Variants in NPRL3 observed in about 807,000 individuals in gnomAD.
The protein encoded by NPRL3 is NPR3 like, GATOR1 complex subunit, also known as GATOR1 complex protein NPRL3.
In NPRL3, 23 loss-of-function variants were observed where a neutral mutation model predicts 57.2. The observed-to-expected ratio is 0.40, with a 90% CI of 0.29 to 0.57. The LOEUF is 0.57. Ranked by LOEUF, NPRL3 falls within the 20% of genes least tolerant of loss-of-function variation. The pLI is 0.42. For synonymous variants in NPRL3, 333 were observed against 321.1 expected (o/e 1.04, Z -0.39); for missense variants, 691 against 767.1 (o/e 0.90, Z 1.17).
chr16:118,610 T>A (rs1298366792), intron 4 of NPRL3, among the ~76,000 whole-genome samples: 2 of 152,202 alleles, frequency 1.3e-5, no homozygotes, highest in Non-Finnish European at 2.9e-5. Flanking sequence ...GGACAGGGAC[T>A]GAAGCACCTG....
chr16:91,969 G>C (rs1020493123), intron 11 of NPRL3, among the ~76,000 whole-genome samples: 2 of 152,130 alleles, frequency 1.3e-5, no homozygotes, highest in Admixed American at 6.5e-5. Context: ...AGATGCAGGT[G>C]CACCAGTTCA....
intron 3 of NPRL3, among the ~76,000 whole-genome samples, chr16:122,617 C>T (rs1000175581): frequency 6.6e-6 from 1 of 152,142 alleles, no homozygotes; most frequent in Admixed American, 6.5e-5. Flanking sequence ...ACATCTGTTA[C>T]AAAAACTGAA....
chr16:89,289 C>A, intron 12 of NPRL3: 1 of 266,788 alleles, frequency 3.7e-6, no homozygotes. Flanking sequence ...GTCTTCCACC[C>A]CCTTCCTTCC....
intron 7 of NPRL3, 95 bp from the exon 8 acceptor site, chr16:100,604 C>T (rs1045272364): frequency 1.6e-6 from 2 of 1,218,302 alleles, no homozygotes; most frequent in African/African-American, 1.6e-5. Context: ...GATTCCCCTG[C>T]TGCTTAGGGG....
chr16:118,108 G>A (rs577712157), intron 4 of NPRL3, among the ~76,000 whole-genome samples: 1 of 152,214 alleles, frequency 6.6e-6, no homozygotes, highest in Non-Finnish European at 1.5e-5. Flanking sequence ...GTGCGGTACA[G>A]GGGACCAGGC....
Position 95,033 on chromosome 16 carries a change from C to G in NPRL3, c.925-1708G>C, listed in dbSNP as rs111780484. Among the ~76,000 whole-genome samples, 21 of 152,036 alleles carry G rather than the reference C, an allele frequency of 1.4e-4. 1 individual carries two copies. Among genetic ancestry groups the G allele is most frequent in the Admixed American group, 1.4e-3 (21 of 15,248 alleles). ...TCAACGGCCAGTGTCTCTTGGCTTGCGGTCACGTCACTCCACTCTGTCTCT... is the reference window on the plus strand; with the variant it reads ...TCAACGGCCAGTGTCTCTTGGCTTGGGGTCACGTCACTCCACTCTGTCTCT... On this transcript the variant is annotated intron_variant, in intron 9 of 13. Coordinates refer to ENST00000611875, the MANE Select transcript of NPRL3 (RefSeq NM_001077350.3).
intron 3 of NPRL3, among the ~76,000 whole-genome samples, chr16:119,610 G>A (rs1214507229): frequency 6.6e-6 from 1 of 152,236 alleles, no homozygotes; most frequent in Non-Finnish European, 1.5e-5. Flanking sequence ...AAAGTTCACA[G>A]GCAGAGGGGC....
intron 7 of NPRL3, among the ~76,000 whole-genome samples, chr16:104,157 G>C (rs535807601): frequency 2.0e-5 from 3 of 151,540 alleles, no homozygotes; most frequent in East Asian, 3.9e-4. Context: ...GCCAGGTGTG[G>C]TGGCAGGTGC....
At position 112,693 on chromosome 16, in the gene NPRL3, C is replaced by T. The variant is rs370299128; in HGVS notation, c.476G>A (p.Arg159His). Residue 159 changes from arginine (R) to histidine (H), a missense_variant, in exon 6 of 14, where the codon CGC becomes CAC. Physicochemically the swap from Arg to His is conservative, Grantham distance 29. Coordinates refer to ENST00000611875, the MANE Select transcript of NPRL3 (RefSeq NM_001077350.3). Reference protein sequence around the residue: ...IATVLQHEERRCQYLTREAKL... With the variant: ...IATVLQHEERHCQYLTREAKL... ...GGCCTCCCGGGTGAGGTACTGGCAG[C>T]GGCGCTCCTCGTGCTGCAGCACGGT... The T allele has an allele frequency of 2.5e-5, 40 of 1,609,900 alleles. No individual in the cohort carries two copies. Among genetic ancestry groups the T allele is most frequent in the Middle Eastern group, 1.6e-4 (1 of 6,076 alleles).
At chr16:89,668 C>G (rs1898671863) in intron 12 of NPRL3, 45 bp downstream of exon 12, 2 of 1,448,012 alleles carry the variant, frequency 1.4e-6, no homozygotes, top group Non-Finnish European at 9.0e-7. Context: ...ATGCCACCCC[C>G]AAGCGTCTCC....
chr16:89,782 C>T lies in NPRL3; in HGVS notation c.1282G>A (p.Val428Ile), dbSNP rs771113936. Residue 428 changes from valine (V) to isoleucine (I), a missense_variant, in exon 12 of 14, where the codon GTC (valine) becomes ATC (isoleucine). Coordinates refer to ENST00000611875, the MANE Select transcript of NPRL3 (RefSeq NM_001077350.3). ...EEEPRPREDD[V>I]PFTARVGGRS... ...CCGCCGACCCGGGCAGTGAAGGGGA[C>T]GTCGTCCTCTCGCGGACGGGGCTCC... 1.2e-5 allele frequency: 20 copies of T among 1,601,306 alleles called. No individual in the cohort carries two copies. Among genetic ancestry groups the T allele is most frequent in the East Asian group, 2.3e-5 (1 of 44,006 alleles).
At chr16:96,850 T>A (rs945365132) in intron 9 of NPRL3, among the ~76,000 whole-genome samples, 15 of 151,904 alleles carry the variant, frequency 9.9e-5, no homozygotes, top group Non-Finnish European at 7.4e-5. Flanking sequence ...AGATAAAGGG[T>A]CCTGAGATAC....
chr16:117,304 C>G lies in NPRL3; in HGVS notation c.390G>C (p.Leu130=), dbSNP rs1482814956. 6.2e-7 allele frequency: 1 copy of G among 1,606,106 alleles called. No homozygotes were observed. The highest frequency in any genetic ancestry group is 1.1e-5 in the South Asian group (1 of 90,634). ...TMILFNVVFA[L]RANADPSVIN... ...AACCATTTATATAAACACTCACCCT[C>G]AGTGCAAACACCACATTAAAAAGAA... Residue 130 remains leucine (L), a synonymous_variant, in exon 5 of 14, where the codon CTG becomes CTC. Transcript: ENST00000611875.
chr16:127,481 C>G (rs1001508725), intron 3 of NPRL3, among the ~76,000 whole-genome samples: 1 of 151,950 alleles, frequency 6.6e-6, no homozygotes, highest in Admixed American at 6.6e-5. Flanking sequence ...GTGATCCCCC[C>G]GCCTTGGACA....
At position 92,697 on chromosome 16, in the gene NPRL3, G is replaced by A; in HGVS notation, c.1060C>T (p.His354Tyr). Residue 354 changes from histidine (H) to tyrosine (Y), a missense_variant, in exon 11 of 14, where the codon CAC becomes TAC. His to Tyr is a moderately conservative substitution (Grantham distance 83, BLOSUM62 2). Transcript: ENST00000611875. ...GGCAGGTCATGAGATGGGAACTGGT[G>A]GGAGAACTGCTCGGCCAGCGGGGAG... ...LYSPLAEQFS[H>Y]QFPSHDLPSV... 12 of 1,613,814 alleles carry A rather than the reference G, an allele frequency of 7.4e-6. No homozygotes were observed. The highest frequency in any genetic ancestry group is 1.0e-5 in the Non-Finnish European group (12 of 1,179,810).
At chr16:131,615 A>AAAC (rs1900805870) in intron 2 of NPRL3, among the ~76,000 whole-genome samples, 2 of 151,460 alleles carry the variant, frequency 1.3e-5, no homozygotes, top group South Asian at 2.1e-4. Flanking sequence ...AAAAAAAAAA[A>AAAC]AAAACGCTAA....
chr16:117,349 C>T lies in NPRL3; in HGVS notation c.345G>A (p.Lys115=). 1 of 1,611,126 alleles carries T rather than the reference C, an allele frequency of 6.2e-7. No homozygotes were observed. Among genetic ancestry groups the T allele is most frequent in the Non-Finnish European group, 8.5e-7 (1 of 1,177,780 alleles). The stretch of plus-strand genomic sequence containing the variant: ...AAAGAATCATAGTAGGTGCTTCCCT[C>T]TTCGGGGAAGGATCTGTTTTGGAGA... The part of the protein sequence containing the change: ...GQISKTDPSP[K]REAPTMILFN... The change falls in exon 5 of 14, where the codon AAG becomes AAA. Residue 115 remains lysine (K), a synonymous_variant. Coordinates refer to ENST00000611875, the MANE Select transcript of NPRL3 (RefSeq NM_001077350.3).
In NPRL3 at chr16:88,828, G is replaced by A; in HGVS notation, c.1414C>T (p.Pro472Ser). 2 of 1,613,894 alleles carry A rather than the reference G, an allele frequency of 1.2e-6. No individual in the cohort carries two copies. The highest frequency in any genetic ancestry group is 8.5e-7 in the Non-Finnish European group (1 of 1,179,864). The stretch of plus-strand genomic sequence containing the variant: ...TGGTTCAGTGGCGAGTCCCCGCTGG[G>A]AAGTAGCTCTGCGCTGGAGTTGTCC... ...SMDNSSAELLPSGDSPLNQRM... is the reference protein window; with the variant it reads ...SMDNSSAELLSSGDSPLNQRM... The change falls in exon 13 of 14, where the codon CCC becomes TCC. Residue 472 changes from proline (P) to serine (S), a missense_variant. Pro to Ser is a moderately conservative substitution (Grantham distance 74). Coordinates refer to ENST00000611875, the MANE Select transcript of NPRL3 (RefSeq NM_001077350.3).
In NPRL3 at chr16:86,730, G is replaced by T; in HGVS notation, c.1685C>A (p.Ala562Asp). ...VVTTHEDPVIAVFQALLP is the reference protein window; with the variant it reads ...VVTTHEDPVIDVFQALLP ...TCAGGGGAGCAGAGCCTGGAAGACG[G>T]CAATGACAGGGTCCTCGTGGGTGGT... is the stretch of plus-strand genomic sequence containing the variant. Residue 562 changes from alanine (A) to aspartate (D), a missense_variant, in exon 14 of 14, where the codon GCC becomes GAC. Transcript: ENST00000611875. 1 of 1,566,198 alleles carries T rather than the reference G, an allele frequency of 6.4e-7. No individual in the cohort carries two copies.
Sources: allele counts gnomAD v4.1 joint callset (sites outside exome capture counted in the v4.1 genomes callset), GRCh38; gene constraint gnomAD v4.1.1; transcripts MANE v1.5; gene names NCBI Gene and HGNC (gene_info 2026-07-23, HGNC 2026-07-21).